AMOTL2: variants seen among roughly 807,000 people sequenced by gnomAD.
AMOTL2 encodes angiomotin-like protein 2.
AMOTL2 carries 33 observed loss-of-function variants against 78.4 expected under a neutral mutation model. The observed-to-expected ratio is 0.42, with a 90% confidence interval of 0.32 to 0.56. AMOTL2 has a LOEUF of 0.56. Ranked by LOEUF, AMOTL2 falls within the 20% of genes least tolerant of loss-of-function variation. The probability of loss-of-function intolerance (pLI) is 0.12; values close to 1 mark genes in which losing one functional copy is unlikely to be tolerated. For missense variants in AMOTL2, 983 were observed against 1,030.1 expected, an observed-to-expected ratio of 0.95 and a Z score of 0.63; for synonymous variants, 422 against 428.8, an observed-to-expected ratio of 0.98 and a Z score of 0.20.
In AMOTL2 at chr3:134,357,355, C is replaced by A. The variant is rs1414065527; in HGVS notation, c.*350G>T. The A allele has an allele frequency of 2.5e-5, 7 of 276,140 alleles. No individual in the cohort carries two copies. Among genetic ancestry groups the A allele is most frequent in the Non-Finnish European group, 3.5e-5 (5 of 142,100 alleles). 17.1% of individuals were successfully genotyped at this position (276,140 alleles called of 1,614,324 possible). ...AACCAACACAGCCACTCCCTCCCTG[C>A]CTGACTGACAACTGGCAGGGCAGAG... On this transcript the variant is annotated 3_prime_UTR_variant, in exon 10 of 10. Coordinates refer to ENST00000249883, the MANE Select transcript of AMOTL2 (RefSeq NM_016201.4).
At chr3:134,374,967 A>T, upstream of AMOTL2, 1 of 1,388,758 alleles carries the variant, frequency 7.2e-7, no homozygotes, top group Non-Finnish European at 9.3e-7. Context: ...GGGAGGAGGG[A>T]CTGCAAAGAC....
At chr3:134,374,931 G>GTA (rs1276154297), upstream of AMOTL2, 30 of 1,326,084 alleles carry the variant, frequency 2.3e-5, no homozygotes, top group Non-Finnish European at 2.8e-5. Context: ...GTGTGTGCGT[G>GTA]TGTGTGTACC....
In AMOTL2 at chr3:134,360,030, G is replaced by C. The variant is rs1393597581; in HGVS notation, c.1883+76C>G. On this transcript the variant is annotated intron_variant, in intron 7 of 9. Transcript: ENST00000249883. The stretch of plus-strand genomic sequence containing the variant: ...ATGGGGAAAGGGGCCTGTTTATCAG[G>C]GATCAAGGGCAGGGCAGTGACTGGA... The C allele has an allele frequency of 2.0e-6, 3 of 1,464,626 alleles. No homozygotes were observed. The Admixed American group carries it at 5.9e-5, about 29-fold the overall frequency. 90.7% of individuals were successfully genotyped at this position (1,464,626 alleles called of 1,614,324 possible). A position where few individuals can be genotyped will look rare whatever the true frequency, so the allele number is the denominator to read the frequency against.
At position 134,357,731 on chromosome 3, in the gene AMOTL2, A is replaced by C. The variant is rs745831847; in HGVS notation, c.2317T>G (p.Ser773Ala). ...SVATSRVQDL[S>A]DMVEILI ...CAGATCAGTATCTCCACCATGTCTG[A>C]CAAGTCCTGGACTCTGGATGTAGCT... Residue 773 changes from serine (S) to alanine (A), a missense_variant, in exon 10 of 10, where the codon TCA (serine) becomes GCA (alanine). Ser to Ala is a moderately conservative substitution (Grantham distance 99, BLOSUM62 1). Coordinates refer to ENST00000249883, the MANE Select transcript of AMOTL2 (RefSeq NM_016201.4). The C allele has an allele frequency of 3.1e-6, 5 of 1,614,196 alleles. No individual in the cohort carries two copies. In the Admixed American group the frequency reaches 8.3e-5, roughly 27 times the overall value.
At chr3:134,366,491 A>C in intron 3 of AMOTL2, 64 bp from the exon 4 acceptor site, 1 of 1,527,634 alleles carries the variant, frequency 6.5e-7, no homozygotes, top group Non-Finnish European at 8.8e-7. Flanking sequence ...TTCGAGGCTG[A>C]CCCACTACTC....
chr3:134,366,152 G>A, intron 4 of AMOTL2, 131 bp downstream of exon 4: 1 of 1,287,222 alleles, frequency 7.8e-7, no homozygotes, highest in Non-Finnish European at 1.1e-6. Context: ...CTCCAAAGGG[G>A]TCTCAGCCTG....
rs758990000 is a variant in AMOTL2 at position 134,360,297 on chromosome 3, G to A, written c.1692C>T (p.Ala564=). ...ACTTCTGCTCCCACTTGGTCATGTC[G>A]GCCTCCAGCGCCAGGATCTGCTCCT... ...EKEEQILALE[A]DMTKWEQKYL... is the part of the protein sequence containing the mutation. The change falls in exon 7 of 10, where the codon GCC becomes GCT. Residue 564 remains alanine, a synonymous_variant. Coordinates refer to ENST00000249883, the MANE Select transcript of AMOTL2 (RefSeq NM_016201.4). 1.2e-6 allele frequency: 2 copies of A among 1,614,160 alleles called. No homozygotes were observed. Among genetic ancestry groups the A allele is most frequent in the Admixed American group, 1.7e-5 (1 of 60,024 alleles).
chr3:134,363,214 G>A (rs1415169614), intron 5 of AMOTL2, among the ~76,000 whole-genome samples: 3 of 152,220 alleles, frequency 2.0e-5, no homozygotes, highest in Non-Finnish European at 4.4e-5. Context: ...GGGCAGGGAG[G>A]ACACAGAGGC....
intron 5 of AMOTL2, among the ~76,000 whole-genome samples, chr3:134,362,562 ACT>A (rs2107739458): frequency 6.6e-6 from 1 of 152,350 alleles, no homozygotes; most frequent in East Asian, 1.9e-4. Flanking sequence ...TGAAAAGAAC[ACT>A]GAGATGTAAG....
chr3:134,375,334 G>A (rs1367353308), upstream of AMOTL2: 2 of 1,181,136 alleles, frequency 1.7e-6, no homozygotes, highest in Middle Eastern at 1.9e-4. Context: ...CTCCAACGGA[G>A]TTCTGTTATC....
intron 2 of AMOTL2, among the ~76,000 whole-genome samples, chr3:134,368,460 G>A (rs1008809425): frequency 1.4e-4 from 22 of 152,256 alleles, no homozygotes; most frequent in African/African-American, 5.3e-4. Flanking sequence ...GTAAGAGTCT[G>A]AGCTCTAGAG....
chr3:134,366,503 C>A (rs1576582575), intron 3 of AMOTL2, 76 bp from the exon 4 acceptor site: 2 of 1,483,318 alleles, frequency 1.3e-6, no homozygotes, highest in East Asian at 4.6e-5. Context: ...CCACTACTCT[C>A]CATCAGAAAA....
At position 134,366,304 on chromosome 3, in the gene AMOTL2, C is replaced by T; in HGVS notation, c.1165G>A (p.Asp389Asn). The T allele has an allele frequency of 6.2e-7, 1 of 1,614,204 alleles. No homozygotes were observed. Among genetic ancestry groups the T allele is most frequent in the Non-Finnish European group, 8.5e-7 (1 of 1,180,032 alleles). Residue 389 changes from aspartate to asparagine, a missense_variant, in exon 4 of 10, where the codon GAC becomes AAC. Coordinates refer to ENST00000249883, the MANE Select transcript of AMOTL2 (RefSeq NM_016201.4). ...TCACCTCTAAGATCCCGGTTGAAGT[C>T]TTGCAGCCTCCTCATTTCACTGTCC... is the stretch of plus-strand genomic sequence containing the variant. ...KMDSEMRRLQ[D>N]FNRDLRERLE...
At chr3:134,365,115 G>A (rs1294336022) in intron 5 of AMOTL2, among the ~76,000 whole-genome samples, 1 of 152,006 alleles carries the variant, frequency 6.6e-6, no homozygotes, top group Admixed American at 6.6e-5. Flanking sequence ...TGCATCTGTG[G>A]GAACCTGCTC....
intron 2 of AMOTL2, 73 bp from the exon 3 acceptor site, chr3:134,367,876 AC>A: frequency 1.4e-6 from 2 of 1,383,740 alleles, no homozygotes; most frequent in Non-Finnish European, 2.0e-6. Flanking sequence ...GCCCGGGGTC[AC>A]CCCACTCCTA....
intron 5 of AMOTL2, among the ~76,000 whole-genome samples, chr3:134,365,514 G>A (rs568568104): frequency 6.4e-4 from 97 of 152,242 alleles, no homozygotes; most frequent in Non-Finnish European, 1.2e-3. Flanking sequence ...CTTGCCTCCC[G>A]CACTGCCCAA....
intron 7 of AMOTL2, among the ~76,000 whole-genome samples, chr3:134,359,725 T>C (rs2017263948): frequency 6.6e-6 from 1 of 152,068 alleles, no homozygotes. Context: ...AAACCACCAG[T>C]GCATAAGGCC....
intron 5 of AMOTL2, among the ~76,000 whole-genome samples, chr3:134,364,623 C>CT (rs1485187288): frequency 6.6e-6 from 1 of 152,068 alleles, no homozygotes; most frequent in Admixed American, 6.5e-5. Context: ...AGCCTACCTC[C>CT]TGCCCCACCC....
At chr3:134,363,374 G>C (rs1284834750) in intron 5 of AMOTL2, among the ~76,000 whole-genome samples, 2 of 152,202 alleles carry the variant, frequency 1.3e-5, no homozygotes, top group Non-Finnish European at 2.9e-5. Context: ...ATTGAGTGGG[G>C]TGTTAACATC....
Sources: gnomAD v4.1 joint callset for allele counts (sites outside exome capture counted in the v4.1 genomes callset) on GRCh38, gnomAD v4.1.1 for gene constraint, MANE v1.5 for transcripts, NCBI Gene and HGNC (gene_info 2026-07-23, HGNC 2026-07-21) for gene names.